KHDRBS2: variants seen among roughly 807,000 people sequenced by gnomAD.
KHDRBS2 encodes KH RNA binding domain containing, signal transduction associated 2.
Under a neutral mutation model 44.3 loss-of-function variants are expected in KHDRBS2, and 26 were observed. That is an observed-to-expected ratio of 0.59 (90% confidence interval 0.43 to 0.81). KHDRBS2 has a LOEUF of 0.81. KHDRBS2 is among the 40% of genes least tolerant of loss of function. The pLI is 0.00. For missense variants in KHDRBS2, 476 were observed against 433.1 expected (o/e 1.10, Z -0.88); for synonymous variants, 194 against 151.1 (o/e 1.28, Z -2.08).
At chr6:61,789,604 A>C (rs1176716428) in intron 6 of KHDRBS2, among the ~76,000 whole-genome samples, 1 of 151,502 alleles carries the variant, frequency 6.6e-6, no homozygotes, top group East Asian at 1.9e-4. Context: ...ATGCGTTTCA[A>C]CATTTTGTTT....
At chr6:61,715,491 T>A (rs1364962507) in intron 7 of KHDRBS2, among the ~76,000 whole-genome samples, 2 of 151,934 alleles carry the variant, frequency 1.3e-5, no homozygotes, top group African/African-American at 2.4e-5. Flanking sequence ...TAGTAATGAA[T>A]CATATTCTCA....
intron 1 of KHDRBS2, among the ~76,000 whole-genome samples, chr6:62,187,169 T>C (rs1279138413): frequency 2.0e-5 from 3 of 152,196 alleles, no homozygotes; most frequent in African/African-American, 4.8e-5. Context: ...GTATGCATTA[T>C]ATCATTCCAT....
At chr6:62,006,909 AT>A (rs1026458358) in intron 3 of KHDRBS2, among the ~76,000 whole-genome samples, 1 of 151,916 alleles carries the variant, frequency 6.6e-6, no homozygotes, top group Admixed American at 6.6e-5. Flanking sequence ...TATTAGATAA[AT>A]TTTTTTTAAA....
the KHDRBS2 span, among the ~76,000 whole-genome samples, chr6:61,556,872 A>ATTTTTTTTTT: frequency 2.3e-5 from 2 of 87,498 alleles, no homozygotes; most frequent in Non-Finnish European, 4.4e-5. Context: ...TGAAATTGAG[A>ATTTTTTTTTT]TTTTTTTTTT....
At chr6:61,573,736 C>A in the KHDRBS2 span, among the ~76,000 whole-genome samples, 1 of 151,634 alleles carries the variant, frequency 6.6e-6, no homozygotes, top group African/African-American at 2.4e-5. Flanking sequence ...TTGCAGTGAG[C>A]TGAGATTGCG....
the KHDRBS2 span, among the ~76,000 whole-genome samples, chr6:61,672,463 C>T: frequency 6.6e-6 from 1 of 152,102 alleles, no homozygotes; most frequent in Non-Finnish European, 1.5e-5. Context: ...GTCCCACCAA[C>T]AGTGTAAAAG....
chr6:62,169,723 T>C, intron 2 of KHDRBS2, among the ~76,000 whole-genome samples: 1 of 151,984 alleles, frequency 6.6e-6, no homozygotes, highest in East Asian at 2.0e-4. Flanking sequence ...CCCCACTGCA[T>C]TACACCACAC....
At chr6:61,723,041 G>A (rs1438796944) in intron 7 of KHDRBS2, among the ~76,000 whole-genome samples, 1 of 152,096 alleles carries the variant, frequency 6.6e-6, no homozygotes, top group East Asian at 1.9e-4. Flanking sequence ...CATCTTTGAT[G>A]TTTTGCAGCT....
At chr6:61,550,762 G>C in the KHDRBS2 span, among the ~76,000 whole-genome samples, 6,441 of 87,920 alleles carry the variant, frequency 0.073, 159 homozygotes, top group East Asian at 0.16. Flanking sequence ...GGTTGAGATG[G>C]TATCTTTTTT....
intron 1 of KHDRBS2, among the ~76,000 whole-genome samples, chr6:62,205,162 G>C (rs1015637600): frequency 6.6e-6 from 1 of 152,008 alleles, no homozygotes; most frequent in African/African-American, 2.4e-5. Context: ...ATACCTTGTG[G>C]GACCTGGAAT....
At chr6:61,776,929 AC>A (rs1419450201) in intron 6 of KHDRBS2, among the ~76,000 whole-genome samples, 1 of 152,206 alleles carries the variant, frequency 6.6e-6, no homozygotes, top group Non-Finnish European at 1.5e-5. Context: ...AAAATGTGGC[AC>A]ATATACACCA....
intron 4 of KHDRBS2, among the ~76,000 whole-genome samples, chr6:61,907,381 A>T (rs1805230051): frequency 2.0e-5 from 3 of 151,886 alleles, no homozygotes; most frequent in African/African-American, 7.3e-5. Flanking sequence ...TGATTGTTTC[A>T]TTTGCTGTGC....
chr6:62,235,760 T>TTCTCC (rs1247529020), intron 1 of KHDRBS2, among the ~76,000 whole-genome samples: 5 of 152,092 alleles, frequency 3.3e-5, no homozygotes, highest in Non-Finnish European at 7.4e-5. Flanking sequence ...TACCATTTAC[T>TTCTCC]TCTCCAAAAT....
At chr6:62,149,107 C>T (rs1450102694) in intron 2 of KHDRBS2, among the ~76,000 whole-genome samples, 1 of 152,002 alleles carries the variant, frequency 6.6e-6, no homozygotes, top group African/African-American at 2.4e-5. Context: ...CTTTCCCAGA[C>T]ACAGCCTTAA....
At position 62,162,255 on chromosome 6, in the gene KHDRBS2, TG is replaced by T. The variant is rs1422290843; in HGVS notation, c.219+14929del. Among the ~76,000 whole-genome samples the T allele has an allele frequency of 3.3e-5, 5 of 152,216 alleles. No individual in the cohort carries two copies. In the East Asian group the frequency reaches 9.7e-4, roughly 29 times the overall value. ...CTGAAGGACCCCCTGAAGCATTTCT[TG>T]CAAGGAAGGTCTAGTGGCAATGAAC... is the stretch of plus-strand genomic sequence containing the variant. On this transcript the variant is annotated intron_variant, in intron 2 of 8. Transcript: ENST00000281156.
At chr6:61,555,386 A>G in the KHDRBS2 span, among the ~76,000 whole-genome samples, 1 of 151,878 alleles carries the variant, frequency 6.6e-6, no homozygotes, top group Non-Finnish European at 1.5e-5. Flanking sequence ...GAAAATGACC[A>G]TTTCATCTTT....
At chr6:62,159,741 G>A (rs1817235454) in intron 2 of KHDRBS2, among the ~76,000 whole-genome samples, 1 of 152,072 alleles carries the variant, frequency 6.6e-6, no homozygotes, top group Non-Finnish European at 1.5e-5. Flanking sequence ...ATTATATACT[G>A]TATTACTACA....
the KHDRBS2 span, among the ~76,000 whole-genome samples, chr6:61,616,470 C>CAT: frequency 0.011 from 1,626 of 145,038 alleles, 16 homozygotes; most frequent in African/African-American, 0.022. Flanking sequence ...AAAGAATATA[C>CAT]ATATATATAT....
At chr6:61,920,473 A>G (rs2127358816) in intron 4 of KHDRBS2, among the ~76,000 whole-genome samples, 1 of 152,112 alleles carries the variant, frequency 6.6e-6, no homozygotes, top group East Asian at 1.9e-4. Context: ...ATTTGAAACA[A>G]TAAGGTAAGT....
Sources: allele counts gnomAD v4.1 joint callset (sites outside exome capture counted in the v4.1 genomes callset), GRCh38; gene constraint gnomAD v4.1.1; transcripts MANE v1.5; gene names NCBI Gene and HGNC (gene_info 2026-07-23, HGNC 2026-07-21).